Variants in SOX6 observed in about 807,000 individuals in gnomAD.
The protein encoded by SOX6 is SRY-box transcription factor 6.
In SOX6, 11 loss-of-function variants were observed where a neutral mutation model predicts 97.8. The ratio of observed to expected loss-of-function variants is 0.11; its 90% confidence interval spans 0.07 to 0.19. SOX6 has a LOEUF of 0.19. Ranked by LOEUF, SOX6 falls within the 10% of genes least tolerant of loss-of-function variation. SOX6 has a pLI of 1.00. For missense variants in SOX6, 810 were observed against 1,039.5 expected (o/e 0.78, Z 3.04); for synonymous variants, 360 against 371.4 (o/e 0.97, Z 0.35).
At chr11:16,730,680 A>G (rs985064572) in intron 2 of SOX6, among the ~76,000 whole-genome samples, 2 of 152,336 alleles carry the variant, frequency 1.3e-5, no homozygotes, top group Middle Eastern at 6.8e-3. Context: ...ATCACAATTA[A>G]AAGAACTAGA....
At chr11:16,494,289 T>G (rs1019476637) in intron 4 of SOX6, among the ~76,000 whole-genome samples, 4 of 151,964 alleles carry the variant, frequency 2.6e-5, no homozygotes, top group Non-Finnish European at 5.9e-5. Flanking sequence ...GGCAGCAGAA[T>G]CCCTTGAATC....
chr11:16,550,980 G>T (rs543693649), intron 4 of SOX6, among the ~76,000 whole-genome samples: 2 of 152,094 alleles, frequency 1.3e-5, no homozygotes, highest in African/African-American at 2.4e-5. Flanking sequence ...CACTTTGGGC[G>T]GCTTAGGTGG....
intron 4 of SOX6, among the ~76,000 whole-genome samples, chr11:16,548,343 A>C (rs534896742): frequency 1.3e-5 from 2 of 152,284 alleles, no homozygotes; most frequent in African/African-American, 2.4e-5. Context: ...GAGTGTTAGA[A>C]ATGGTAACTA....
intron 4 of SOX6, among the ~76,000 whole-genome samples, chr11:16,223,210 T>G (rs1454724584): frequency 6.6e-6 from 1 of 152,160 alleles, no homozygotes; most frequent in African/African-American, 2.4e-5. Context: ...AATACAGAGA[T>G]GCTGGGCTAA....
intron 1 of SOX6, chr11:16,738,407 C>A (rs908923237): frequency 2.1e-5 from 6 of 287,176 alleles, no homozygotes; most frequent in Non-Finnish European, 4.1e-5. Flanking sequence ...GGCGACAAAG[C>A]TCTCGGCCAA....
intron 2 of SOX6, among the ~76,000 whole-genome samples, chr11:16,717,254 C>T (rs1477635162): frequency 1.3e-5 from 2 of 152,018 alleles, no homozygotes; most frequent in East Asian, 3.9e-4. Context: ...TTAGAATAAA[C>T]TAGTTTGGCT....
chr11:16,264,042 G>T (rs1330044584), intron 3 of SOX6, among the ~76,000 whole-genome samples: 1 of 151,938 alleles, frequency 6.6e-6, no homozygotes, highest in East Asian at 1.9e-4. Flanking sequence ...TTGTCTCTGT[G>T]TGTAATCATT....
chr11:16,562,375 C>A (rs975729107), intron 4 of SOX6, among the ~76,000 whole-genome samples: 1 of 152,102 alleles, frequency 6.6e-6, no homozygotes, highest in Non-Finnish European at 1.5e-5. Flanking sequence ...AAGAAGCCAG[C>A]AACCTAAAAA....
intron 6 of SOX6, among the ~76,000 whole-genome samples, chr11:16,129,024 C>T (rs777212908): frequency 3.0e-4 from 43 of 143,066 alleles, no homozygotes; most frequent in Non-Finnish European, 5.7e-4. Flanking sequence ...CCATGCCTGG[C>T]ATTTTTTTTT....
At chr11:16,569,703 C>G (rs1565182882) in intron 4 of SOX6, among the ~76,000 whole-genome samples, 1 of 151,694 alleles carries the variant, frequency 6.6e-6, no homozygotes, top group Non-Finnish European at 1.5e-5. Context: ...CCCATCTCTA[C>G]TAAAAATACA....
At position 16,132,448 on chromosome 11, in the gene SOX6, G is replaced by GAA. The variant is rs1564972681; in HGVS notation, c.778-20527_778-20526dup. Among the ~76,000 whole-genome samples the GAA allele has an allele frequency of 6.3e-4, 47 of 74,192 alleles. 8 individuals carry two copies. Among genetic ancestry groups the GAA allele is most frequent in the African/African-American group, 2.7e-3 (44 of 16,502 alleles). 48.7% of individuals were successfully genotyped at this position (74,192 alleles called of 152,430 possible). A position where few individuals can be genotyped will look rare whatever the true frequency, so the allele number is the denominator to read the frequency against. ...AAGAAAGAAAGAAAGAAAGAAAAAA[G>GAA]AAAGAAAGAAAGAAAGAAAGAAAGA... On this transcript the variant is annotated intron_variant, in intron 6 of 15. Coordinates refer to ENST00000683767, the MANE Select transcript of SOX6 (RefSeq NM_001367873.1).
intron 8 of SOX6, among the ~76,000 whole-genome samples, chr11:16,097,385 GA>G (rs1848825786): frequency 6.6e-6 from 1 of 151,868 alleles, no homozygotes; most frequent in Non-Finnish European, 1.5e-5. Context: ...ATCTGATAGA[GA>G]ATACATAGTA....
chr11:16,069,961 C>T (rs1848184575), intron 9 of SOX6, among the ~76,000 whole-genome samples: 1 of 152,022 alleles, frequency 6.6e-6, no homozygotes, highest in Admixed American at 6.6e-5. Context: ...TCGCGACCAT[C>T]CTTGCTAACA....
chr11:16,139,861 A>T (rs954667733), intron 6 of SOX6, among the ~76,000 whole-genome samples: 1 of 150,978 alleles, frequency 6.6e-6, no homozygotes. Flanking sequence ...GATACTTCTA[A>T]TTCCAATATA....
chr11:16,350,062 A>G (rs578240764), intron 1 of SOX6, among the ~76,000 whole-genome samples: 10 of 152,354 alleles, frequency 6.6e-5, no homozygotes, highest in Non-Finnish European at 1.5e-4. Flanking sequence ...TGACTACACC[A>G]GGGTGACAGT....
chr11:16,641,273 A>T lies in SOX6; in HGVS notation n.430-29013T>A, dbSNP rs1406172988. Among the ~76,000 whole-genome samples, 3 of 152,152 alleles carry T rather than the reference A, an allele frequency of 2.0e-5. No individual in the cohort carries two copies. In the East Asian group the frequency reaches 5.8e-4, roughly 29 times the overall value. ...GTTTGATTGCACTGTGGTCTGAGAG[A>T]CAGTTTGTTTTAATTTCTGTTCTTT... On this transcript the variant is annotated intron_variant and non_coding_transcript_variant, in intron 3 of 5. Coordinates refer to the SOX6 transcript ENST00000524520.
intron 4 of SOX6, among the ~76,000 whole-genome samples, chr11:16,572,658 C>T (rs1291333252): frequency 1.3e-5 from 2 of 152,104 alleles, no homozygotes; most frequent in Non-Finnish European, 2.9e-5. Context: ...TAGTTTGATC[C>T]TTTTAACTAA....
chr11:16,267,181 T>C (rs1366031123), intron 3 of SOX6, among the ~76,000 whole-genome samples: 1 of 139,872 alleles, frequency 7.1e-6, no homozygotes, highest in Non-Finnish European at 1.6e-5. Context: ...AAAGCAAAAA[T>C]AGACAAATGG....
At chr11:16,225,489 A>G (rs1852659677) in intron 4 of SOX6, among the ~76,000 whole-genome samples, 1 of 151,970 alleles carries the variant, frequency 6.6e-6, no homozygotes, top group Admixed American at 6.6e-5. Flanking sequence ...AAAAAAAAAA[A>G]AAAAACAGAG....
Sources: gnomAD v4.1 joint callset for allele counts (sites outside exome capture counted in the v4.1 genomes callset) on GRCh38, gnomAD v4.1.1 for gene constraint, MANE v1.5 for transcripts, NCBI Gene and HGNC (gene_info 2026-07-23, HGNC 2026-07-21) for gene names.